Variants in NLGN1 observed in about 807,000 individuals in gnomAD.
The protein encoded by NLGN1 is neuroligin 1, also known as neuroligin-1.
In NLGN1, 12 loss-of-function variants were observed where a neutral mutation model predicts 65.5. The observed-to-expected ratio is 0.18, with a 90% CI of 0.12 to 0.30. The LOEUF is 0.30. Among genes scored for constraint, NLGN1 ranks in the 10% least tolerant of loss-of-function variants. The pLI, the probability that NLGN1 is intolerant of heterozygous loss-of-function variation, is 1.00. For missense variants in NLGN1, 750 were observed against 1,007.1 expected, an observed-to-expected ratio of 0.74 and a Z score of 3.46; for synonymous variants, 350 against 359.5, an observed-to-expected ratio of 0.97 and a Z score of 0.30.
intron 2 of NLGN1, among the ~76,000 whole-genome samples, chr3:173,592,736 G>A (rs747725967): frequency 2.0e-5 from 3 of 152,122 alleles, no homozygotes; most frequent in Non-Finnish European, 4.4e-5. Context: ...GCATTGTTCT[G>A]GGGATGGTTG....
chr3:174,013,071 A>G (rs1474300597), intron 4 of NLGN1, among the ~76,000 whole-genome samples: 5 of 152,200 alleles, frequency 3.3e-5, no homozygotes, highest in Non-Finnish European at 4.4e-5. Context: ...GAGAGAGAAT[A>G]GTAAATTCAG....
intron 4 of NLGN1, among the ~76,000 whole-genome samples, chr3:174,250,999 A>G (rs1453516092): frequency 1.4e-5 from 2 of 147,270 alleles, no homozygotes; most frequent in African/African-American, 2.7e-5. Flanking sequence ...ACGTGCACCT[A>G]TAACTGGTGC....
intron 4 of NLGN1, among the ~76,000 whole-genome samples, chr3:173,954,229 G>A (rs1387745532): frequency 1.3e-5 from 2 of 152,030 alleles, no homozygotes; most frequent in African/African-American, 2.4e-5. Flanking sequence ...AATCAAGCCT[G>A]ACCCAGGAAT....
At chr3:174,114,841 T>C (rs1382992242) in intron 4 of NLGN1, among the ~76,000 whole-genome samples, 1 of 152,156 alleles carries the variant, frequency 6.6e-6, no homozygotes, top group Non-Finnish European at 1.5e-5. Flanking sequence ...GACTAGGCTC[T>C]TCCAAGTATC....
chr3:173,867,068 A>G lies in NLGN1; in HGVS notation c.646+59236A>G, dbSNP rs571552385. 3.9e-5 allele frequency among the ~76,000 whole-genome samples: 6 copies of G among 152,214 alleles called. No homozygotes were observed. The East Asian group carries it at 1.2e-3, about 29-fold the overall frequency. Reference sequence around the variant, plus strand: ...GCACAGTCTGTCTGTCTGTACTCCTAGGAAGATCTAGCAGCACATTAAGGA... The same window carrying G: ...GCACAGTCTGTCTGTCTGTACTCCTGGGAAGATCTAGCAGCACATTAAGGA... On this transcript the variant is annotated intron_variant, in intron 4 of 6. Transcript: ENST00000457714.
intron 4 of NLGN1, among the ~76,000 whole-genome samples, chr3:173,899,613 T>C (rs1266657887): frequency 6.6e-6 from 1 of 152,152 alleles, no homozygotes; most frequent in Non-Finnish European, 1.5e-5. Context: ...ATTTTTGTCA[T>C]GTGAAAGTTA....
chr3:173,719,964 A>G lies in NLGN1; in HGVS notation c.494-87716A>G, dbSNP rs1362324852. ...ACCTCGTCTCTACAAAAATTTAAAA[A>G]TTAGTCAGGCATGGTGGCACACGTC... On this transcript the variant is annotated intron_variant, in intron 3 of 6. Coordinates refer to ENST00000457714, the Ensembl canonical transcript of NLGN1. Among the ~76,000 whole-genome samples, 3 of 152,066 alleles carry G rather than the reference A, an allele frequency of 2.0e-5. No homozygotes were observed. In the East Asian group the frequency reaches 5.8e-4, roughly 29 times the overall value.
chr3:173,965,516 A>C (rs1714638921), intron 4 of NLGN1, among the ~76,000 whole-genome samples: 2 of 143,928 alleles, frequency 1.4e-5, no homozygotes, highest in Non-Finnish European at 1.5e-5. Context: ...ACAGAATTTC[A>C]CCATGCTGGC....
chr3:173,753,944 A>AATAATATAAT (rs151125850), intron 3 of NLGN1, among the ~76,000 whole-genome samples: 9,992 of 116,622 alleles, frequency 0.086, 527 homozygotes, highest in African/African-American at 0.15. Context: ...ATAATATAAT[A>AATAATATAAT]ATAATATAAT....
intron 4 of NLGN1, among the ~76,000 whole-genome samples, chr3:174,149,762 A>G (rs1723988046): frequency 6.6e-6 from 1 of 152,178 alleles, no homozygotes; most frequent in South Asian, 2.1e-4. Flanking sequence ...AGTAGAGACT[A>G]AAGAAAAGAA....
chr3:173,954,979 G>T (rs1455356512), intron 4 of NLGN1, among the ~76,000 whole-genome samples: 1 of 152,014 alleles, frequency 6.6e-6, no homozygotes, highest in African/African-American at 2.4e-5. Context: ...CTAGGGCCAG[G>T]TAGTAAAAGT....
chr3:173,873,110 A>G (rs999962510), intron 4 of NLGN1, among the ~76,000 whole-genome samples: 2 of 148,710 alleles, frequency 1.3e-5, no homozygotes, highest in Non-Finnish European at 3.0e-5. Context: ...TTTTTTTGAG[A>G]CCGAATCTCA....
At chr3:174,075,646 T>C (rs1416074025) in intron 4 of NLGN1, among the ~76,000 whole-genome samples, 1 of 152,180 alleles carries the variant, frequency 6.6e-6, no homozygotes, top group Non-Finnish European at 1.5e-5. Flanking sequence ...ACAGTAAGAC[T>C]GGTAAGCATT....
intron 3 of NLGN1, among the ~76,000 whole-genome samples, chr3:173,679,338 A>G (rs889265044): frequency 2.0e-5 from 3 of 152,068 alleles, no homozygotes; most frequent in African/African-American, 7.2e-5. Context: ...ATTTCAGAAA[A>G]GATAAAGGAA....
In NLGN1 at chr3:173,980,196, TA is replaced by T. The variant is rs539753300; in HGVS notation, c.646+172369del. 2.3e-3 allele frequency among the ~76,000 whole-genome samples: 353 copies of T among 152,122 alleles called. 5 individuals are homozygous for T. In the South Asian group the frequency reaches 0.03, roughly 13 times the overall value. The stretch of plus-strand genomic sequence containing the variant: ...AAGCATTAACATATAAACTCCCCAT[TA>T]AAAATATTATGTATTAAATAAAGAG... On this transcript the variant is annotated intron_variant, in intron 4 of 6. Coordinates refer to ENST00000457714, the Ensembl canonical transcript of NLGN1.
At chr3:174,269,943 G>A (rs1395311324) in intron 4 of NLGN1, among the ~76,000 whole-genome samples, 2 of 151,678 alleles carry the variant, frequency 1.3e-5, no homozygotes, top group East Asian at 1.9e-4. Context: ...CTTTTCATGT[G>A]TTTATTGTCC....
rs537753676 is a variant in NLGN1, at chr3:173,838,975, T to A, written c.646+31143T>A. Among the ~76,000 whole-genome samples, 115 of 152,342 alleles carry A rather than the reference T, an allele frequency of 7.5e-4. 2 individuals carry two copies. The highest frequency in any genetic ancestry group is 1.5e-3 in the Non-Finnish European group (101 of 68,026). On this transcript the variant is annotated intron_variant, in intron 4 of 6. Transcript: ENST00000457714. ...TCAAGATGCTGGAATGTATAAATTATTTTTTATTCAGAAAGCCATTTTTCG... is the reference window on the plus strand; with the variant it reads ...TCAAGATGCTGGAATGTATAAATTAATTTTTATTCAGAAAGCCATTTTTCG...
At chr3:174,148,824 G>A (rs1043014173) in intron 4 of NLGN1, among the ~76,000 whole-genome samples, 5 of 152,036 alleles carry the variant, frequency 3.3e-5, no homozygotes, top group Non-Finnish European at 5.9e-5. Context: ...ATGATACAGT[G>A]GTAAAGTAAA....
intron 2 of NLGN1, among the ~76,000 whole-genome samples, chr3:173,499,513 C>A (rs923716258): frequency 6.6e-6 from 1 of 151,614 alleles, no homozygotes; most frequent in Admixed American, 6.6e-5. Flanking sequence ...TGTTCTTTTG[C>A]GTTAGGATTG....
Sources: allele counts gnomAD v4.1 joint callset (sites outside exome capture counted in the v4.1 genomes callset), GRCh38; gene constraint gnomAD v4.1.1; transcripts MANE v1.5; gene names NCBI Gene and HGNC (gene_info 2026-07-23, HGNC 2026-07-21).